The following CCDC150 variants were observed in gnomAD, a reference collection of about 807,000 sequenced individuals.
CCDC150 encodes the protein coiled-coil domain containing 150.
In CCDC150, 151 loss-of-function variants were observed where a neutral mutation model predicts 156.5. The observed-to-expected ratio is 0.97, with a 90% CI of 0.85 to 1.10. The LOEUF is 1.10. Ranked by LOEUF, CCDC150 falls within the 50% of genes least tolerant of loss-of-function variation. The pLI is 0.00. For missense variants in CCDC150, 1,312 were observed against 1,268.1 expected, an observed-to-expected ratio of 1.03 and a Z score of -0.53; for synonymous variants, 452 against 429.4, an observed-to-expected ratio of 1.05 and a Z score of -0.65.
intron 13 of CCDC150, among the ~76,000 whole-genome samples, chr2:196,685,053 T>C (rs1695044990): frequency 6.6e-6 from 1 of 152,142 alleles, no homozygotes; most frequent in African/African-American, 2.4e-5. Flanking sequence ...ATATAATTAC[T>C]GTTAAGGTAG....
In CCDC150 at chr2:196,719,524, G is replaced by A; in HGVS notation, c.2023G>A (p.Glu675Lys). 6.2e-7 allele frequency: 1 copy of A among 1,609,582 alleles called. No individual in the cohort carries two copies. The highest frequency in any genetic ancestry group is 8.5e-7 in the Non-Finnish European group (1 of 1,178,470). ...GGGAAACTTTCAGCGACAATTGGCA[G>A]AAGCTAAAGAAGACAACTGCAAAGT... ...KVGNFQRQLA[E>K]AKEDNCKVTI... The change falls in exon 19 of 28, where the codon GAA becomes AAA. Residue 675 changes from glutamate (E) to lysine (K), a missense_variant. Glu to Lys is a moderately conservative substitution (Grantham distance 56, BLOSUM62 1). Transcript: ENST00000389175.
intron 21 of CCDC150, among the ~76,000 whole-genome samples, chr2:196,722,316 C>T (rs1338417961): frequency 1.3e-5 from 2 of 152,110 alleles, no homozygotes; most frequent in African/African-American, 2.4e-5. Context: ...CGCCCTGTTG[C>T]CCAGGCTGGA....
chr2:196,716,846 CTTTTTTTT>C (rs775962426), intron 17 of CCDC150, among the ~76,000 whole-genome samples: 8 of 74,370 alleles, frequency 1.1e-4, no homozygotes, highest in African/African-American at 2.2e-4. Flanking sequence ...AAATAACATT[CTTTTTTTT>C]TTTTTTTTTT....
chr2:196,730,875 T>C lies in CCDC150; in HGVS notation c.2999T>C (p.Val1000Ala), dbSNP rs769942452. The C allele has an allele frequency of 3.8e-6, 6 of 1,597,438 alleles. No individual in the cohort carries two copies. Among genetic ancestry groups the C allele is most frequent in the Non-Finnish European group, 4.3e-6 (5 of 1,171,754 alleles). The part of the protein sequence containing the change: ...ENRCQELEET[V>A]RHLKKCKEAT... ...CATTTTCAGGAATTGGAAGAAACTGTCAGACACCTGAAGAAATGTAAAGAG... is the reference window on the plus strand; with the variant it reads ...CATTTTCAGGAATTGGAAGAAACTGCCAGACACCTGAAGAAATGTAAAGAG... The change falls in exon 26 of 28, where the codon GTC becomes GCC. Residue 1000 changes from valine (V) to alanine (A), a missense_variant. Val to Ala is a moderately conservative substitution (Grantham distance 64). Coordinates refer to ENST00000389175, the MANE Select transcript of CCDC150 (RefSeq NM_001080539.2).
chr2:196,728,389 C>A (rs1698332893), intron 22 of CCDC150, among the ~76,000 whole-genome samples: 1 of 152,144 alleles, frequency 6.6e-6, no homozygotes, highest in African/African-American at 2.4e-5. Flanking sequence ...TACAGATATC[C>A]TTGACTTCAC....
At position 196,674,321 on chromosome 2, in the gene CCDC150, C is replaced by G; in HGVS notation, c.1110C>G (p.Ile370Met). 6.9e-6 allele frequency: 11 copies of G among 1,601,758 alleles called. No individual in the cohort carries two copies. Among genetic ancestry groups the G allele is most frequent in the Non-Finnish European group, 9.4e-6 (11 of 1,173,608 alleles). The change falls in exon 10 of 28, where the codon ATC becomes ATG. Residue 370 changes from isoleucine (I) to methionine (M), a missense_variant. Ile to Met is a conservative substitution (Grantham distance 10, BLOSUM62 1). Coordinates refer to ENST00000389175, the MANE Select transcript of CCDC150 (RefSeq NM_001080539.2). ...CTGTTACTATGGAAAAAGCCAGAAT[C>G]ATTGCTGACCATCAGGCCATTCTGC... is the stretch of plus-strand genomic sequence containing the variant. ...LQTVTMEKAR[I>M]IADHQAILQV...
At chr2:196,710,117 G>A (rs1413019094) in intron 15 of CCDC150, among the ~76,000 whole-genome samples, 1 of 152,232 alleles carries the variant, frequency 6.6e-6, no homozygotes, top group Non-Finnish European at 1.5e-5. Flanking sequence ...TGCCCCCAGA[G>A]GTGGAGTCTA....
At position 196,646,488 on chromosome 2, in the gene CCDC150, G is replaced by C. The variant is rs369159032; in HGVS notation, c.160G>C (p.Asp54His). ...ACTGAGGGATGACCTAATAATGTTGGATTTTGGTGAAAAAAGGTAACAAAA... is the reference window on the plus strand; with the variant it reads ...ACTGAGGGATGACCTAATAATGTTGCATTTTGGTGAAAAAAGGTAACAAAA... ...SSLRDDLIML[D>H]FGEKRGYLEA... The change falls in exon 2 of 28, where the codon GAT becomes CAT. Residue 54 changes from aspartate (D) to histidine (H), a missense_variant. Transcript: ENST00000389175. 3 of 1,613,148 alleles carry C rather than the reference G, an allele frequency of 1.9e-6. No homozygotes were observed. The African/African-American group carries it at 4.0e-5, about 22-fold the overall frequency.
intron 11 of CCDC150, 76 bp downstream of exon 11, chr2:196,676,343 T>C: frequency 6.5e-7 from 1 of 1,533,992 alleles, no homozygotes; most frequent in Non-Finnish European, 8.9e-7. Context: ...TCCGTCTCAG[T>C]CTTATCGTCA....
At chr2:196,702,376 T>A (rs949521788) in intron 15 of CCDC150, among the ~76,000 whole-genome samples, 22 of 149,428 alleles carry the variant, frequency 1.5e-4, no homozygotes, top group African/African-American at 4.0e-4. Context: ...TGTGTGTGTG[T>A]GAGATGAGGT....
At chr2:196,665,416 G>A (rs959166287) in intron 5 of CCDC150, 151 bp from the exon 6 acceptor site, 4 of 404,542 alleles carry the variant, frequency 9.9e-6, no homozygotes, top group African/African-American at 2.1e-5. Flanking sequence ...GCAATCTAGG[G>A]AGAAACAAAA....
chr2:196,689,907 T>C (rs971510408), intron 13 of CCDC150, among the ~76,000 whole-genome samples: 1 of 152,206 alleles, frequency 6.6e-6, no homozygotes, highest in African/African-American at 2.4e-5. Flanking sequence ...CTTATTATTT[T>C]GAGATACATC....
chr2:196,665,892 A>G (rs1347643649), intron 6 of CCDC150, among the ~76,000 whole-genome samples: 1 of 152,164 alleles, frequency 6.6e-6, no homozygotes, highest in Non-Finnish European at 1.5e-5. Context: ...AACACTCTTA[A>G]TTTATGAATC....
chr2:196,695,278 C>A, intron 14 of CCDC150, 119 bp downstream of exon 14: 1 of 549,584 alleles, frequency 1.8e-6, no homozygotes, highest in Non-Finnish European at 3.3e-6. Context: ...AAAATCTAAG[C>A]AGAGATTCTT....
chr2:196,699,455 C>T (rs978752839), intron 14 of CCDC150, among the ~76,000 whole-genome samples: 21 of 151,198 alleles, frequency 1.4e-4, no homozygotes, highest in African/African-American at 4.1e-4. Context: ...AAGTGTTGAA[C>T]GTCAAAAATG....
At position 196,726,065 on chromosome 2, in the gene CCDC150, C is replaced by G. The variant is rs200269527; in HGVS notation, c.2522C>G (p.Thr841Ser). 3.1e-6 allele frequency: 5 copies of G among 1,613,070 alleles called. No homozygotes were observed. In the East Asian group the frequency reaches 1.1e-4, roughly 36 times the overall value. ...AAGCAGTTTCAAACCGAGAGAGAAA[C>G]TACAAAGAAAGTGGCACAACGGGAA... is the stretch of plus-strand genomic sequence containing the variant. ...LRKQFQTERE[T>S]TKKVAQREVA... Residue 841 changes from threonine (T) to serine (S), a missense_variant, in exon 22 of 28, where the codon ACT becomes AGT. Physicochemically the swap from Thr to Ser is moderately conservative, Grantham distance 58. Transcript: ENST00000389175.
chr2:196,718,933 T>C (rs954489689), intron 18 of CCDC150, among the ~76,000 whole-genome samples: 3 of 149,270 alleles, frequency 2.0e-5, no homozygotes, highest in Non-Finnish European at 3.0e-5. Flanking sequence ...TTTATAGTTA[T>C]GTTTTATTAA....
intron 14 of CCDC150, among the ~76,000 whole-genome samples, chr2:196,697,738 T>C (rs1229822471): frequency 1.3e-5 from 2 of 152,174 alleles, no homozygotes; most frequent in East Asian, 3.8e-4. Context: ...ATAAAGTAGC[T>C]TTACCAAGAT....
intron 17 of CCDC150, among the ~76,000 whole-genome samples, chr2:196,714,890 G>A (rs1697396502): frequency 6.6e-6 from 1 of 152,144 alleles, no homozygotes; most frequent in Admixed American, 6.5e-5. Flanking sequence ...AAATTCAGTA[G>A]ATTATCAGGA....
Sources: allele counts gnomAD v4.1 joint callset (sites outside exome capture counted in the v4.1 genomes callset), GRCh38; gene constraint gnomAD v4.1.1; transcripts MANE v1.5; gene names NCBI Gene and HGNC (gene_info 2026-07-23, HGNC 2026-07-21).